The following INPP4B variants were observed in gnomAD, a reference collection of about 807,000 sequenced individuals.
INPP4B encodes inositol polyphosphate-4-phosphatase type II B.
Under a neutral mutation model 122.5 loss-of-function variants are expected in INPP4B, and 55 were observed. The ratio of observed to expected loss-of-function variants is 0.45; its 90% CI spans 0.36 to 0.56. The LOEUF (loss-of-function observed/expected upper bound fraction) is 0.56. Among genes scored for constraint, INPP4B ranks in the 20% least tolerant of loss-of-function variants. The pLI is 0.00. For synonymous variants in INPP4B, 403 were observed against 388.7 expected (o/e 1.04, Z -0.43); for missense variants, 1,000 against 1,097.7 (o/e 0.91, Z 1.26).
chr4:142,035,937 C>A (rs186103470), intron 25 of INPP4B, among the ~76,000 whole-genome samples: 1 of 151,424 alleles, frequency 6.6e-6, no homozygotes, highest in African/African-American at 2.4e-5. Context: ...TTTTTAAAAT[C>A]TTTCAACTTT....
chr4:142,418,408 T>C (rs999175149), intron 5 of INPP4B, among the ~76,000 whole-genome samples: 26 of 152,272 alleles, frequency 1.7e-4, no homozygotes, highest in Admixed American at 2.0e-4. Flanking sequence ...GTGCCCAATA[T>C]GATTCTAGGT....
chr4:142,820,772 A>T (rs1780704790), intron 1 of INPP4B, among the ~76,000 whole-genome samples: 1 of 152,136 alleles, frequency 6.6e-6, no homozygotes, highest in Non-Finnish European at 1.5e-5. Flanking sequence ...GAATGATTGC[A>T]ATGTATTGTA....
At chr4:142,783,080 T>C (rs935128608) in intron 1 of INPP4B, among the ~76,000 whole-genome samples, 1 of 151,668 alleles carries the variant, frequency 6.6e-6, no homozygotes, top group African/African-American at 2.4e-5. Context: ...AACCTAGGCA[T>C]TACCATTCAG....
At position 142,155,654 on chromosome 4, in the gene INPP4B, C is replaced by CA. The variant is rs565917324; in HGVS notation, c.1563+4703dup. On this transcript the variant is annotated intron_variant, in intron 17 of 25. Transcript: ENST00000262992. ...CTGATTTTTCACTCATGCAGAAATT[C>CA]AAAAAATTGCAGCCTCAGGCATAAA... 4.9e-3 allele frequency among the ~76,000 whole-genome samples: 742 copies of CA among 152,060 alleles called. 10 individuals are homozygous for CA. The highest frequency in any genetic ancestry group is 0.017 in the African/African-American group (700 of 41,506).
At chr4:142,314,677 T>A in intron 8 of INPP4B, 35 bp downstream of exon 8, 1 of 1,584,684 alleles carries the variant, frequency 6.3e-7, no homozygotes, top group South Asian at 1.2e-5. Context: ...TTAGAAGTGA[T>A]GTGTGTGCCT....
At chr4:142,828,574 G>A (rs1781727267) in intron 1 of INPP4B, among the ~76,000 whole-genome samples, 2 of 152,158 alleles carry the variant, frequency 1.3e-5, no homozygotes, top group South Asian at 4.1e-4. Context: ...CCTTGTTGGA[G>A]AAAAAGTTCC....
rs1762031679 is a variant in INPP4B at position 142,703,135 on chromosome 4, C to T, written c.-191+22704G>A. On this transcript the variant is annotated intron_variant, in intron 2 of 25. Transcript: ENST00000262992. ...AAAAAACTTGGTACAGAACCTGTTACTCTCTCTCCTGCCCTCTTTGTGAGT... is the reference window on the plus strand; with the variant it reads ...AAAAAACTTGGTACAGAACCTGTTATTCTCTCTCCTGCCCTCTTTGTGAGT... 1.3e-5 allele frequency among the ~76,000 whole-genome samples: 2 copies of T among 152,134 alleles called. 1 individual carries two copies. The highest frequency in any genetic ancestry group is 4.1e-4 in the South Asian group (2 of 4,826).
chr4:142,275,506 A>G (rs1747965702), intron 9 of INPP4B, among the ~76,000 whole-genome samples: 1 of 151,826 alleles, frequency 6.6e-6, no homozygotes, highest in African/African-American at 2.4e-5. Flanking sequence ...ACCCAAACAT[A>G]AAAATAAACA....
intron 12 of INPP4B, among the ~76,000 whole-genome samples, chr4:142,231,571 T>C (rs982488229): frequency 1.3e-5 from 2 of 152,240 alleles, no homozygotes; most frequent in Admixed American, 1.3e-4. Context: ...TATAACATTT[T>C]CTTAATTCTA....
At chr4:142,377,739 A>C (rs903061401) in intron 7 of INPP4B, among the ~76,000 whole-genome samples, 2 of 152,258 alleles carry the variant, frequency 1.3e-5, no homozygotes, top group African/African-American at 4.8e-5. Context: ...ATGTTGGACT[A>C]TCAGAATGCA....
Position 142,160,437 on chromosome 4 carries a change from C to G in INPP4B, c.1484G>C (p.Ser495Thr), listed in dbSNP as rs776931377. Reference sequence around the variant, plus strand: ...CACTGGGGGTTGGTCTTGGGGACTGCTCTCCTCTGTGCTGCTCTTAGGAGA... The same window carrying G: ...CACTGGGGGTTGGTCTTGGGGACTGGTCTCCTCTGTGCTGCTCTTAGGAGA... The part of the protein sequence containing the change: ...PPSPKSSTEE[S>T]SPQDQPPVMR... The change falls in exon 17 of 26, where the codon AGC becomes ACC. Residue 495 changes from serine (S) to threonine (T), a missense_variant. By Grantham distance (58) the Ser-to-Thr change is moderately conservative. Transcript: ENST00000262992. 1.2e-6 allele frequency: 2 copies of G among 1,610,664 alleles called. No homozygotes were observed. The highest frequency in any genetic ancestry group is 2.2e-5 in the East Asian group (1 of 44,820).
chr4:142,629,071 G>C lies in INPP4B; in HGVS notation c.-191+96768C>G, dbSNP rs142701488. On this transcript the variant is annotated intron_variant, in intron 2 of 25. Transcript: ENST00000262992. ...GAATATGCTATTTTGATGAGAGTAT[G>C]CTGTTCCCTTCCAGGACTAAGGATG... 7.2e-5 allele frequency among the ~76,000 whole-genome samples: 11 copies of C among 152,120 alleles called. No individual in the cohort carries two copies. The East Asian group carries it at 2.1e-3, about 29-fold the overall frequency.
At chr4:142,702,249 C>T (rs2150762061) in intron 2 of INPP4B, among the ~76,000 whole-genome samples, 1 of 152,188 alleles carries the variant, frequency 6.6e-6, no homozygotes, top group African/African-American at 2.4e-5. Context: ...ACACAAAAGA[C>T]TCCATATAGG....
chr4:142,667,447 T>C (rs1373357528), intron 2 of INPP4B, among the ~76,000 whole-genome samples: 1 of 152,186 alleles, frequency 6.6e-6, no homozygotes. Context: ...TGTATCAATA[T>C]GGCTGCAACC....
chr4:142,841,529 T>C (rs1248476871), intron 1 of INPP4B, among the ~76,000 whole-genome samples: 3 of 151,938 alleles, frequency 2.0e-5, no homozygotes, highest in African/African-American at 7.2e-5. Flanking sequence ...ACTACAACTA[T>C]CTATTCTAAG....
At chr4:142,678,308 A>G (rs907486474) in intron 2 of INPP4B, among the ~76,000 whole-genome samples, 5 of 151,756 alleles carry the variant, frequency 3.3e-5, no homozygotes, top group Non-Finnish European at 7.4e-5. Context: ...AACAAATCCT[A>G]TTTTGCTAGA....
intron 12 of INPP4B, among the ~76,000 whole-genome samples, chr4:142,221,412 A>G (rs1458379742): frequency 2.0e-5 from 3 of 150,864 alleles, no homozygotes; most frequent in Non-Finnish European, 4.4e-5. Context: ...AAAAAAAAAA[A>G]AAAGAAATAT....
At chr4:142,667,046 G>A (rs959798183) in intron 2 of INPP4B, among the ~76,000 whole-genome samples, 10 of 152,146 alleles carry the variant, frequency 6.6e-5, no homozygotes, top group African/African-American at 1.9e-4. Flanking sequence ...ATCAATCACT[G>A]TGGTCTGGCA....
chr4:142,286,863 A>C (rs1413133635), intron 9 of INPP4B: 2 of 149,420 alleles, frequency 1.3e-5, no homozygotes, highest in Non-Finnish European at 2.9e-5. Context: ...TTGATCAATT[A>C]GTTTATTGTC....
Sources: allele counts gnomAD v4.1 joint callset (sites outside exome capture counted in the v4.1 genomes callset), GRCh38; gene constraint gnomAD v4.1.1; transcripts MANE v1.5; gene names NCBI Gene and HGNC (gene_info 2026-07-23, HGNC 2026-07-21).